The following PPM1H variants were observed in gnomAD, a reference collection of about 807,000 sequenced individuals.
PPM1H encodes the protein protein phosphatase, Mg2+/Mn2+ dependent 1H.
In PPM1H, 27 loss-of-function variants were observed where a neutral mutation model predicts 54.9. The ratio of observed to expected loss-of-function variants is 0.49; its 90% confidence interval spans 0.36 to 0.68. PPM1H has a LOEUF of 0.68. Ranked by LOEUF, PPM1H falls within the 30% of genes least tolerant of loss-of-function variation. PPM1H has a pLI of 0.00. For missense variants in PPM1H, 596 were observed against 667.8 expected, an observed-to-expected ratio of 0.89 and a Z score of 1.19; for synonymous variants, 305 against 270.8, an observed-to-expected ratio of 1.13 and a Z score of -1.24.
chr12:62,791,092 T>A (rs1215726910), intron 3 of PPM1H, among the ~76,000 whole-genome samples: 1 of 152,164 alleles, frequency 6.6e-6, no homozygotes, highest in Non-Finnish European at 1.5e-5. Context: ...AAATTTTTTT[T>A]ATCTGCCTCT....
At chr12:62,920,942 T>C (rs1055335197) in intron 1 of PPM1H, among the ~76,000 whole-genome samples, 9 of 152,126 alleles carry the variant, frequency 5.9e-5, no homozygotes, top group Non-Finnish European at 1.0e-4. Flanking sequence ...ATTTATGTAT[T>C]GAGACAGAGT....
chr12:62,807,941 G>C (rs1002182878), intron 2 of PPM1H, among the ~76,000 whole-genome samples: 3 of 152,184 alleles, frequency 2.0e-5, no homozygotes, highest in African/African-American at 7.2e-5. Flanking sequence ...AGGCTCAAAT[G>C]ATCCTCCAGC....
chr12:62,721,737 AT>A (rs2076264940), intron 5 of PPM1H, among the ~76,000 whole-genome samples: 1 of 152,138 alleles, frequency 6.6e-6, no homozygotes, highest in South Asian at 2.1e-4. Flanking sequence ...AGGTTATTTA[AT>A]TTCTTGGGCC....
At chr12:62,826,992 C>T (rs1868298315) in intron 2 of PPM1H, among the ~76,000 whole-genome samples, 1 of 152,166 alleles carries the variant, frequency 6.6e-6, no homozygotes. Context: ...TTCTAGAACC[C>T]CACTGTCATC....
intron 4 of PPM1H, among the ~76,000 whole-genome samples, chr12:62,749,312 C>T (rs1393432569): frequency 1.3e-5 from 2 of 152,220 alleles, no homozygotes; most frequent in African/African-American, 4.8e-5. Flanking sequence ...CTGCACATTT[C>T]CAGAATGGAG....
rs193040844 is a variant in PPM1H, at chr12:62,670,056, C to A, written c.1246-2727G>T. Among the ~76,000 whole-genome samples the A allele has an allele frequency of 1.9e-3, 264 of 139,204 alleles. 1 individual carries two copies. The highest frequency in any genetic ancestry group is 6.9e-3 in the African/African-American group (253 of 36,730). The allele number at this position is 139,204 out of a possible 152,430, so 91.3% of individuals were successfully genotyped here. On this transcript the variant is annotated intron_variant, in intron 8 of 9. Coordinates refer to ENST00000228705, the MANE Select transcript of PPM1H (RefSeq NM_020700.2). ...GCAATGGCATGATCTCAGCTCACTG[C>A]AACCTCTGCCTCCCAGGTTGAAGCG...
chr12:62,795,645 C>G (rs1222207120), intron 3 of PPM1H, among the ~76,000 whole-genome samples: 1 of 152,054 alleles, frequency 6.6e-6, no homozygotes, highest in Admixed American at 6.6e-5. Flanking sequence ...GGGGTTTCAC[C>G]GTGGTCTCAA....
intron 9 of PPM1H, among the ~76,000 whole-genome samples, chr12:62,653,089 AGTCT>A (rs1171360087): frequency 2.0e-5 from 3 of 152,184 alleles, no homozygotes; most frequent in Non-Finnish European, 2.9e-5. Flanking sequence ...CTTTTTGAGA[AGTCT>A]GTCTTTTATC....
At chr12:62,732,766 G>A (rs1306162832) in intron 5 of PPM1H, among the ~76,000 whole-genome samples, 2 of 151,824 alleles carry the variant, frequency 1.3e-5, no homozygotes, top group Non-Finnish European at 2.9e-5. Context: ...TAGGGACGGG[G>A]TTTCACCGTG....
At chr12:62,838,490 A>C (rs989249973) in intron 1 of PPM1H, among the ~76,000 whole-genome samples, 1 of 152,142 alleles carries the variant, frequency 6.6e-6, no homozygotes, top group African/African-American at 2.4e-5. Flanking sequence ...AGGACAACTT[A>C]ATTCCTAGCT....
In PPM1H at chr12:62,646,573, C is replaced by A. The variant is rs1271676617; in HGVS notation, c.*1916G>T. On this transcript the variant is annotated 3_prime_UTR_variant, in exon 10 of 10. Coordinates refer to ENST00000228705, the MANE Select transcript of PPM1H (RefSeq NM_020700.2). Reference sequence around the variant, plus strand: ...TACAGCATCAGACTCTGCCACGAAGCAAAGCATTTTCCACAAACTTCTCTC... The same window carrying A: ...TACAGCATCAGACTCTGCCACGAAGAAAAGCATTTTCCACAAACTTCTCTC... 3.3e-5 allele frequency: 5 copies of A among 152,278 alleles called. No individual in the cohort carries two copies. Among genetic ancestry groups the A allele is most frequent in the African/African-American group, 1.2e-4 (5 of 41,446 alleles). The allele number at this position is 152,278 out of a possible 1,614,324, so 9.4% of individuals were successfully genotyped here.
At chr12:62,813,768 A>G (rs1463125386) in intron 2 of PPM1H, among the ~76,000 whole-genome samples, 4 of 152,186 alleles carry the variant, frequency 2.6e-5, no homozygotes, top group African/African-American at 9.7e-5. Context: ...TATACTCGCT[A>G]TTGTTAATGA....
chr12:62,778,533 G>A (rs1301284724), intron 4 of PPM1H, among the ~76,000 whole-genome samples: 1 of 152,170 alleles, frequency 6.6e-6, no homozygotes, highest in Non-Finnish European at 1.5e-5. Flanking sequence ...AAAAATGACA[G>A]AGCCTCCTTC....
At chr12:62,775,698 T>C (rs755541329) in intron 4 of PPM1H, among the ~76,000 whole-genome samples, 1 of 152,248 alleles carries the variant, frequency 6.6e-6, no homozygotes, top group Non-Finnish European at 1.5e-5. Flanking sequence ...TCAGACCTCA[T>C]GGCCATTGCC....
chr12:62,759,597 C>A (rs1038513694), intron 4 of PPM1H, among the ~76,000 whole-genome samples: 1 of 152,210 alleles, frequency 6.6e-6, no homozygotes, highest in Non-Finnish European at 1.5e-5. Flanking sequence ...TGATTATTCA[C>A]CCACGTTTCA....
At chr12:62,907,404 T>C (rs1038362952) in intron 1 of PPM1H, among the ~76,000 whole-genome samples, 1 of 152,156 alleles carries the variant, frequency 6.6e-6, no homozygotes, top group Admixed American at 6.5e-5. Flanking sequence ...ATCAGTGCAG[T>C]TTGAGTGTTC....
At chr12:62,841,998 A>G (rs1868768836) in intron 1 of PPM1H, among the ~76,000 whole-genome samples, 1 of 152,104 alleles carries the variant, frequency 6.6e-6, no homozygotes, top group South Asian at 2.1e-4. Flanking sequence ...AACCATTAAT[A>G]CCACCAATGT....
chr12:62,869,675 A>T (rs908773291), intron 1 of PPM1H, among the ~76,000 whole-genome samples: 2 of 152,154 alleles, frequency 1.3e-5, no homozygotes, highest in African/African-American at 2.4e-5. Flanking sequence ...CCTTGCAAGG[A>T]CTTCTCAATG....
chr12:62,683,937 A>C (rs1292373823), intron 8 of PPM1H, among the ~76,000 whole-genome samples: 4 of 152,220 alleles, frequency 2.6e-5, no homozygotes, highest in African/African-American at 7.2e-5. Context: ...TCTGAGTTAC[A>C]GAACAGGAGA....
Sources: gnomAD v4.1 joint callset for allele counts (sites outside exome capture counted in the v4.1 genomes callset) on GRCh38, gnomAD v4.1.1 for gene constraint, MANE v1.5 for transcripts, NCBI Gene and HGNC (gene_info 2026-07-23, HGNC 2026-07-21) for gene names.